SPNS2: variants seen among roughly 807,000 people sequenced by gnomAD.
SPNS2 encodes SPNS lysolipid transporter 2, sphingosine-1-phosphate.
SPNS2 carries 37 observed loss-of-function variants against 57.6 expected under a neutral mutation model. The observed-to-expected ratio is 0.64, with a 90% CI of 0.49 to 0.85. The LOEUF (loss-of-function observed/expected upper bound fraction) is 0.85, where lower values mean the gene tolerates loss of function less well. Among genes scored for constraint, SPNS2 ranks in the 40% least tolerant of loss-of-function variants. The pLI is 0.00. For missense variants in SPNS2, 831 were observed against 779.1 expected (o/e 1.07, Z -0.79); for synonymous variants, 440 against 346.9 (o/e 1.27, Z -2.98).
At chr17:4,513,592 T>G (rs956974464) in intron 2 of SPNS2, among the ~76,000 whole-genome samples, 2 of 152,158 alleles carry the variant, frequency 1.3e-5, no homozygotes, top group African/African-American at 4.8e-5. Context: ...GAACTTTCTC[T>G]GGGTCCTGGG....
chr17:4,520,667 C>T (rs908209842), intron 2 of SPNS2, among the ~76,000 whole-genome samples: 7 of 152,174 alleles, frequency 4.6e-5, no homozygotes, highest in Admixed American at 1.3e-4. Flanking sequence ...TGAACTTTCC[C>T]TGACCTTGGG....
rs1475112610 is a variant in SPNS2, at chr17:4,532,593, C to G, written c.844C>G (p.Pro282Ala). Residue 282 changes from proline (P) to alanine (A), a missense_variant, in exon 6 of 13, where the codon CCA becomes GCA. Pro to Ala is a conservative substitution (Grantham distance 27, BLOSUM62 -1). Coordinates refer to ENST00000329078, the MANE Select transcript of SPNS2 (RefSeq NM_001124758.3). ...ITGTLILILVPATKRGHADQL... is the reference protein window; with the variant it reads ...ITGTLILILVAATKRGHADQL... ...AGGAACACTCATCCTCATTCTGGTCCCAGCCACTAAAAGGGGTCATGCCGA... is the reference window on the plus strand; with the variant it reads ...AGGAACACTCATCCTCATTCTGGTCGCAGCCACTAAAAGGGGTCATGCCGA... 6.2e-7 allele frequency: 1 copy of G among 1,614,162 alleles called. No homozygotes were observed. Among genetic ancestry groups the G allele is most frequent in the Admixed American group, 1.7e-5 (1 of 60,028 alleles).
At chr17:4,517,074 T>G (rs559139864) in intron 2 of SPNS2, among the ~76,000 whole-genome samples, 71 of 152,272 alleles carry the variant, frequency 4.7e-4, no homozygotes, top group African/African-American at 1.7e-3. Context: ...CCGTGGGTGA[T>G]TTTGTTTCCA....
At chr17:4,528,701 T>A (rs1023165573) in intron 3 of SPNS2, among the ~76,000 whole-genome samples, 1 of 152,124 alleles carries the variant, frequency 6.6e-6, no homozygotes, top group African/African-American at 2.4e-5. Flanking sequence ...GGTCTCGAAC[T>A]CCTGACCTCA....
intron 2 of SPNS2, among the ~76,000 whole-genome samples, chr17:4,518,847 C>G (rs530780593): frequency 6.6e-6 from 1 of 152,212 alleles, no homozygotes; most frequent in Non-Finnish European, 1.5e-5. Flanking sequence ...GCAGCCCCTG[C>G]GGCTGTTCCC....
At chr17:4,500,320 T>C (rs1213774791) in intron 1 of SPNS2, among the ~76,000 whole-genome samples, 1 of 152,158 alleles carries the variant, frequency 6.6e-6, no homozygotes, top group African/African-American at 2.4e-5. Flanking sequence ...TGATTGATCA[T>C]TGGGCCTTTG....
At position 4,512,803 on chromosome 17, in the gene SPNS2, T is replaced by C. The variant is rs1904875636; in HGVS notation, c.371-444T>C. 6.6e-6 allele frequency among the ~76,000 whole-genome samples: 1 copy of C among 151,428 alleles called. No homozygotes were observed. Among genetic ancestry groups the C allele is most frequent in the African/African-American group, 2.4e-5 (1 of 41,274 alleles). On this transcript the variant is annotated intron_variant, in intron 1 of 12. Coordinates refer to ENST00000329078, the MANE Select transcript of SPNS2 (RefSeq NM_001124758.3). The surrounding 1 kb of genome is among the most constrained non-coding windows in gnomAD (Gnocchi z 5.2). ...GTGCACATGTGCAGGTGAACCAGAG[T>C]GAGCGGCTGCCCCTCCCAGGCCAGA...
At chr17:4,523,166 C>T (rs1292736647) in intron 2 of SPNS2, among the ~76,000 whole-genome samples, 2 of 152,248 alleles carry the variant, frequency 1.3e-5, no homozygotes, top group African/African-American at 4.8e-5. Context: ...TGGCCGGGTG[C>T]AGTGGCTCAC....
intron 2 of SPNS2, among the ~76,000 whole-genome samples, chr17:4,521,711 A>C (rs374396071): frequency 6.6e-6 from 1 of 152,276 alleles, no homozygotes; most frequent in Admixed American, 6.5e-5. Flanking sequence ...ATAACTACTC[A>C]AAAGTCCTCA....
Position 4,511,793 on chromosome 17 carries a change from G to A in SPNS2, c.371-1454G>A, listed in dbSNP as rs150556134. Among the ~76,000 whole-genome samples, 43 of 152,304 alleles carry A rather than the reference G, an allele frequency of 2.8e-4. No homozygotes were observed. Among genetic ancestry groups the A allele is most frequent in the African/African-American group, 9.1e-4 (38 of 41,564 alleles). On this transcript the variant is annotated intron_variant, in intron 1 of 12. Transcript: ENST00000329078. This position sits in a 1 kb window ranked among gnomAD's most constrained non-coding sequence, Gnocchi z 4.6. ...TGGCTGTCAGGCTGCTGGGACATCC[G>A]CCCGTCTGTCCTGCATTCCGGGAAA...
At chr17:4,507,022 C>G (rs570968058) in intron 1 of SPNS2, among the ~76,000 whole-genome samples, 6 of 152,298 alleles carry the variant, frequency 3.9e-5, no homozygotes, top group African/African-American at 1.4e-4. Context: ...GTGAGTGTGC[C>G]TGAGTCCAGA....
At chr17:4,500,730 C>T (rs1266682108) in intron 1 of SPNS2, among the ~76,000 whole-genome samples, 1 of 152,098 alleles carries the variant, frequency 6.6e-6, no homozygotes, top group African/African-American at 2.4e-5. Flanking sequence ...CCTCAGTCTC[C>T]CCGTCTGTTG....
Position 4,536,402 on chromosome 17 carries a change from G to T in SPNS2, c.1583G>T (p.Ser528Ile), listed in dbSNP as rs756760567. Residue 528 changes from serine to isoleucine, a missense_variant, in exon 11 of 13, where the codon AGC becomes ATC. Physicochemically the swap from Ser to Ile is moderately radical, Grantham distance 142 (BLOSUM62 -2). Transcript: ENST00000329078. ...FFLATALFFV[S>I]DRARAEQQVN... ...CTCGCCACTGCGCTCTTCTTCGTCA[G>T]CGACCGCGCCAGGGCTGAGCAGCAG... The T allele has an allele frequency of 1.2e-6, 2 of 1,603,976 alleles. No homozygotes were observed. Among genetic ancestry groups the T allele is most frequent in the East Asian group, 2.2e-5 (1 of 44,818 alleles).
intron 9 of SPNS2, among the ~76,000 whole-genome samples, chr17:4,534,720 G>T (rs1905686466): frequency 6.6e-6 from 1 of 152,144 alleles, no homozygotes; most frequent in African/African-American, 2.4e-5. Flanking sequence ...ATGGGCTGCG[G>T]TGGTGGTGGG....
In SPNS2 at chr17:4,537,642, A is replaced by ATG. The variant is rs1421491475; in HGVS notation, c.*202_*203dup. 4.8e-5 allele frequency: 22 copies of ATG among 456,606 alleles called. No individual in the cohort carries two copies. In the Admixed American group the frequency reaches 5.2e-4, roughly 11 times the overall value. 28.3% of individuals were successfully genotyped at this position (456,606 alleles called of 1,614,324 possible). On this transcript the variant is annotated 3_prime_UTR_variant, in exon 13 of 13. Transcript: ENST00000329078. ...CTGTGTCCTCAGTTACCCTGGAAGG[A>ATG]TGTGTGTGTTGGAGCCACACGGTTG... is the stretch of plus-strand genomic sequence containing the variant.
rs116914849 is a variant in SPNS2, at chr17:4,520,967, T to C, written c.437-4090T>C. Among the ~76,000 whole-genome samples the C allele has an allele frequency of 2.3e-4, 35 of 152,366 alleles. No homozygotes were observed. In the East Asian group the frequency reaches 6.4e-3, roughly 28 times the overall value. The stretch of plus-strand genomic sequence containing the variant: ...AAGCATCATGCCTCGTGAACCATTA[T>C]ACAATATTGCTGATCTGAAGTTTAT... On this transcript the variant is annotated intron_variant, in intron 2 of 12. Coordinates refer to ENST00000329078, the MANE Select transcript of SPNS2 (RefSeq NM_001124758.3).
In SPNS2 at chr17:4,536,437, G is replaced by T; in HGVS notation, c.1607+11G>T. ...CAGGGCTGAGCAGCAGTGAGTGGGGGGGAGGGGAGGCCCTGCTGCACCGCC... is the reference window on the plus strand; with the variant it reads ...CAGGGCTGAGCAGCAGTGAGTGGGGTGGAGGGGAGGCCCTGCTGCACCGCC... On this transcript the variant is annotated intron_variant, in intron 11 of 12. Transcript: ENST00000329078. The T allele has an allele frequency of 6.4e-7, 1 of 1,557,462 alleles. No individual in the cohort carries two copies. The highest frequency in any genetic ancestry group is 8.6e-7 in the Non-Finnish European group (1 of 1,156,816).
chr17:4,528,025 C>A (rs1295159229), intron 3 of SPNS2, among the ~76,000 whole-genome samples: 2 of 151,300 alleles, frequency 1.3e-5, no homozygotes, highest in Non-Finnish European at 2.9e-5. Flanking sequence ...ATGTATGACT[C>A]TTTTCTTTTT....
At chr17:4,530,836 G>T in intron 4 of SPNS2, 53 bp downstream of exon 4, 1 of 1,582,356 alleles carries the variant, frequency 6.3e-7, no homozygotes, top group Non-Finnish European at 8.6e-7. Flanking sequence ...AGGTTCCCTT[G>T]GACTTCTGAG....
Sources: allele counts gnomAD v4.1 joint callset (sites outside exome capture counted in the v4.1 genomes callset), GRCh38; gene constraint gnomAD v4.1.1; non-coding constraint Gnocchi (gnomAD v3.1); transcripts MANE v1.5; gene names NCBI Gene and HGNC (gene_info 2026-07-23, HGNC 2026-07-21).